DNM2: variants seen among roughly 807,000 people sequenced by gnomAD.
The protein encoded by DNM2 is dynamin-2.
In DNM2, 15 loss-of-function variants were observed where a neutral mutation model predicts 99.0. That is an observed-to-expected ratio of 0.15 (90% CI 0.10 to 0.23). The LOEUF (loss-of-function observed/expected upper bound fraction) is 0.23, where lower values mean the gene tolerates loss of function less well. DNM2 is among the 10% of genes least tolerant of loss of function. The pLI is 1.00. For synonymous variants in DNM2, 525 were observed against 481.2 expected (o/e 1.09, Z -1.19); for missense variants, 742 against 1,189.4 (o/e 0.62, Z 5.53).
intron 12 of DNM2, 100 bp from the exon 13 acceptor site, chr19:10,805,816 C>A: frequency 6.7e-7 from 1 of 1,487,324 alleles, no homozygotes; most frequent in Admixed American, 1.7e-5. Flanking sequence ...CCTGTGGCTG[C>A]TCACTTGGTC....
intron 15 of DNM2, among the ~76,000 whole-genome samples, chr19:10,819,016 C>T (rs1225104243): frequency 6.6e-6 from 1 of 152,122 alleles, no homozygotes; most frequent in Non-Finnish European, 1.5e-5. Context: ...CCCCCAGCTC[C>T]GTGACTCGCC....
chr19:10,780,061 C>A lies in DNM2; in HGVS notation c.688+2845C>A, dbSNP rs1025131267. 9.9e-5 allele frequency among the ~76,000 whole-genome samples: 15 copies of A among 152,212 alleles called. No individual in the cohort carries two copies. The East Asian group carries it at 2.9e-3, about 29-fold the overall frequency. ...TTAGCCGCAGTCATTTAGAGCATTT[C>A]TTTTACTCCTGGGTTTTCCACCTCG... On this transcript the variant is annotated intron_variant, in intron 5 of 20. Transcript: ENST00000389253.
At chr19:10,735,215 A>AT (rs1274398913) in intron 1 of DNM2, among the ~76,000 whole-genome samples, 8 of 146,846 alleles carry the variant, frequency 5.4e-5, no homozygotes, top group South Asian at 2.2e-4. Context: ...TAATTTTTGT[A>AT]TTTTTTTTTA....
chr19:10,724,161 G>A (rs1032678744), intron 1 of DNM2, among the ~76,000 whole-genome samples: 1 of 151,900 alleles, frequency 6.6e-6, no homozygotes, highest in African/African-American at 2.4e-5. Context: ...ACAGTTGGAG[G>A]GGGTACATTT....
intron 2 of DNM2, among the ~76,000 whole-genome samples, chr19:10,760,826 G>GCTTTTTTTTTTTTTT (rs1568284526): frequency 4.0e-4 from 2 of 4,958 alleles, no homozygotes; most frequent in Non-Finnish European, 7.9e-4. Context: ...ACACCCAGCT[G>GCTTTTTTTTTTTTTT]ATTTTTTTTT....
chr19:10,736,967 C>T (rs1480302213), intron 1 of DNM2, among the ~76,000 whole-genome samples: 1 of 152,074 alleles, frequency 6.6e-6, no homozygotes, highest in African/African-American at 2.4e-5. Flanking sequence ...GGCAACATAA[C>T]GAGACCCCCA....
chr19:10,743,319 G>A (rs746586812), intron 1 of DNM2, among the ~76,000 whole-genome samples: 20 of 152,100 alleles, frequency 1.3e-4, no homozygotes, highest in Non-Finnish European at 2.5e-4. Context: ...CTGTCCTGTG[G>A]AGCTGATGCT....
At chr19:10,824,869 C>G in intron 17 of DNM2, 188 bp from the exon 18 acceptor site, 1 of 809,202 alleles carries the variant, frequency 1.2e-6, no homozygotes, top group Non-Finnish European at 2.0e-6. Flanking sequence ...ACCCCAGCAT[C>G]AGCCAGGGTC....
chr19:10,758,048 C>T (rs971076445), intron 1 of DNM2, among the ~76,000 whole-genome samples: 33 of 152,104 alleles, frequency 2.2e-4, no homozygotes, highest in Non-Finnish European at 3.5e-4. Context: ...TAATGTACCC[C>T]GAGCCCACTG....
At chr19:10,787,376 CAGG>C (rs2071597512) in intron 7 of DNM2, among the ~76,000 whole-genome samples, 1 of 151,290 alleles carries the variant, frequency 6.6e-6, no homozygotes, top group Admixed American at 6.6e-5. Context: ...GAGGCTGAGG[CAGG>C]AGAATGGCGT....
chr19:10,827,964 G>C (rs764479382), intron 18 of DNM2, among the ~76,000 whole-genome samples: 46 of 152,144 alleles, frequency 3.0e-4, no homozygotes, highest in Non-Finnish European at 6.0e-4. Flanking sequence ...GAAACTAGTA[G>C]TGTTTGAACA....
At chr19:10,821,502 G>A (rs911078717) in intron 16 of DNM2, among the ~76,000 whole-genome samples, 32 of 152,038 alleles carry the variant, frequency 2.1e-4, no homozygotes, top group Admixed American at 6.6e-4. Context: ...TGCAGAAGCC[G>A]AGCTCTGCGG....
chr19:10,811,406 G>GTGCCGTGCCC lies in DNM2; in HGVS notation c.1558-853_1558-844dup, dbSNP rs1200134998. On this transcript the variant is annotated intron_variant, in intron 14 of 20. Transcript: ENST00000389253. This position sits in a 1 kb window ranked among gnomAD's most constrained non-coding sequence, Gnocchi z 5.4. ...AGGCCCCATCTCTGGCGCTCCTGCC[G>GTGCCGTGCCC]TGCCGTGCCCTGCCATGCCCTGCAC... 1.4e-5 allele frequency: 4 copies of GTGCCGTGCCC among 289,332 alleles called. No homozygotes were observed. The highest frequency in any genetic ancestry group is 2.8e-5 in the Non-Finnish European group (4 of 144,994). The allele number at this position is 289,332 out of a possible 1,614,324, so 17.9% of individuals were successfully genotyped here. A position where few individuals can be genotyped will look rare whatever the true frequency, so the allele number is the denominator to read the frequency against.
intron 1 of DNM2, among the ~76,000 whole-genome samples, chr19:10,729,466 G>A (rs2069234651): frequency 6.6e-6 from 1 of 152,156 alleles, no homozygotes; most frequent in Non-Finnish European, 1.5e-5. Context: ...GGCTTGTTGG[G>A]ATGGGTGTCC....
In DNM2 at chr19:10,724,413, G is replaced by A. The variant is rs1222975387; in HGVS notation, c.161+6010G>A. On this transcript the variant is annotated intron_variant, in intron 1 of 20. Transcript: ENST00000389253. ...AGGATGGTCTCGATCTCCTGACTTC[G>A]TGATCCGCCCGCCTCGGCCTCCCAA... Among the ~76,000 whole-genome samples the A allele has an allele frequency of 2.6e-5, 4 of 152,162 alleles. No individual in the cohort carries two copies. In the South Asian group the frequency reaches 6.2e-4, roughly 24 times the overall value.
chr19:10,755,611 C>T (rs2070354144), intron 1 of DNM2: 1 of 151,768 alleles, frequency 6.6e-6, no homozygotes, highest in South Asian at 2.1e-4. Flanking sequence ...CAGGTGTCCA[C>T]CACCACACCC....
intron 1 of DNM2, among the ~76,000 whole-genome samples, chr19:10,719,976 G>A (rs575883046): frequency 5.3e-5 from 8 of 152,124 alleles, no homozygotes; most frequent in Non-Finnish European, 4.4e-5. Flanking sequence ...TCTGTCTACC[G>A]TGGTGGAAAG....
At chr19:10,740,402 G>C (rs552771787) in intron 1 of DNM2, among the ~76,000 whole-genome samples, 7 of 150,512 alleles carry the variant, frequency 4.7e-5, no homozygotes, top group African/African-American at 1.7e-4. Context: ...TTGAGACGGA[G>C]TCTCGCTCTG....
At position 10,755,656 on chromosome 19, in the gene DNM2, T is replaced by G. The variant is rs542763015; in HGVS notation, c.162-4082T>G. 3.9e-3 allele frequency among the ~76,000 whole-genome samples: 583 copies of G among 150,656 alleles called. 4 individuals are homozygous for G. The highest frequency in any genetic ancestry group is 0.014 in the African/African-American group (553 of 40,944). ...TTTTTTTTGTCTTTTTTTTTTTGTATTTTGTATTGTTTTTGTTTTTGTTTT... is the reference window on the plus strand; with the variant it reads ...TTTTTTTTGTCTTTTTTTTTTTGTAGTTTGTATTGTTTTTGTTTTTGTTTT... On this transcript the variant is annotated intron_variant, in intron 1 of 20. Transcript: ENST00000389253.
Sources: gnomAD v4.1 joint callset for allele counts (sites outside exome capture counted in the v4.1 genomes callset) on GRCh38, gnomAD v4.1.1 for gene constraint, Gnocchi (gnomAD v3.1) non-coding constraint, MANE v1.5 for transcripts, NCBI Gene and HGNC (gene_info 2026-07-23, HGNC 2026-07-21) for gene names.